The following KAT6A variants were observed in gnomAD, a reference collection of about 807,000 sequenced individuals.
The protein encoded by KAT6A is histone acetyltransferase KAT6A.
A neutral mutation model predicts 198.4 loss-of-function variants in KAT6A; 9 were observed. The ratio of observed to expected loss-of-function variants is 0.05; its 90% CI spans 0.03 to 0.08. The LOEUF is 0.08. Ranked by LOEUF, KAT6A falls within the 10% of genes least tolerant of loss-of-function variation. KAT6A has a pLI of 1.00. For missense variants in KAT6A, 2,077 were observed against 2,509.9 expected (o/e 0.83, Z 3.69); for synonymous variants, 890 against 883.0 (o/e 1.01, Z -0.14).
At chr8:41,959,405 C>T (rs1385585984) in intron 8 of KAT6A, among the ~76,000 whole-genome samples, 2 of 152,070 alleles carry the variant, frequency 1.3e-5, no homozygotes, top group Admixed American at 6.6e-5. Context: ...CCATTGCTGG[C>T]GGGAATACAA....
At chr8:41,993,104 C>A (rs923864102) in intron 2 of KAT6A, among the ~76,000 whole-genome samples, 4 of 152,178 alleles carry the variant, frequency 2.6e-5, no homozygotes, top group Non-Finnish European at 5.9e-5. Flanking sequence ...GTTAACACTT[C>A]TTTTATATAT....
intron 8 of KAT6A, among the ~76,000 whole-genome samples, chr8:41,972,346 G>A (rs928161332): frequency 1.3e-5 from 2 of 152,186 alleles, no homozygotes; most frequent in African/African-American, 4.8e-5. Flanking sequence ...GTAGATAAAA[G>A]TTTGATGAAA....
rs1475071011 is a variant in KAT6A, at chr8:41,930,722, A to G, written c.*1483T>C. On this transcript the variant is annotated 3_prime_UTR_variant, in exon 17 of 17. Transcript: ENST00000265713. ...TGTGTGTGTGTGTGTATATATATATATATATATTTTTTTTTTTTTTTTTTT... is the reference window on the plus strand; with the variant it reads ...TGTGTGTGTGTGTGTATATATATATGTATATATTTTTTTTTTTTTTTTTTT... The G allele has an allele frequency of 1.0e-5, 1 of 95,738 alleles. No individual in the cohort carries two copies. Among genetic ancestry groups the G allele is most frequent in the African/African-American group, 4.3e-5 (1 of 23,130 alleles). 5.9% of individuals were successfully genotyped at this position (95,738 alleles called of 1,614,324 possible). A position where few individuals can be genotyped will look rare whatever the true frequency, so the allele number is the denominator to read the frequency against.
At chr8:42,020,284 G>A (rs1454862329) in intron 2 of KAT6A, among the ~76,000 whole-genome samples, 1 of 152,102 alleles carries the variant, frequency 6.6e-6, no homozygotes, top group African/African-American at 2.4e-5. Flanking sequence ...TTACTACCCT[G>A]CCTTTTATTT....
chr8:41,938,910 T>C (rs143273556), intron 15 of KAT6A, among the ~76,000 whole-genome samples: 1,454 of 137,256 alleles, frequency 0.011, 15 homozygotes, highest in South Asian at 0.039. Flanking sequence ...ATCATGCCGC[T>C]GCACTCCAGC....
intron 2 of KAT6A, among the ~76,000 whole-genome samples, chr8:42,011,917 CAA>C (rs1457877407): frequency 7.6e-5 from 11 of 143,970 alleles, no homozygotes; most frequent in Non-Finnish European, 1.4e-4. Flanking sequence ...AAAAGAATAA[CAA>C]AGAGGAAATC....
intron 10 of KAT6A, among the ~76,000 whole-genome samples, chr8:41,948,564 C>T (rs1822509686): frequency 6.6e-6 from 1 of 152,142 alleles, no homozygotes; most frequent in Admixed American, 6.5e-5. Context: ...TATCAAAACG[C>T]CAATGGATGC....
chr8:41,977,529 T>C (rs965730293), intron 6 of KAT6A: 1 of 462,558 alleles, frequency 2.2e-6, no homozygotes, highest in African/African-American at 2.0e-5. Flanking sequence ...GGAAGCCTAC[T>C]TATAGTGCAA....
rs756179362 is a variant in KAT6A, at chr8:41,999,829, G to GT, written c.601-12267dup. Among the ~76,000 whole-genome samples the GT allele has an allele frequency of 3.9e-5, 6 of 152,302 alleles. No homozygotes were observed. The South Asian group carries it at 1.2e-3, about 32-fold the overall frequency. On this transcript the variant is annotated intron_variant, in intron 2 of 16. Transcript: ENST00000265713. ...GCCACTGTGGCATCACTTTAAGCAA[G>GT]TTACTTAAGTGTTGAAAAGTACAAC...
In KAT6A at chr8:41,940,855, G is replaced by T. The variant is rs750975358; in HGVS notation, c.3026C>A (p.Thr1009Lys). Residue 1009 changes from threonine to lysine, a missense_variant, in exon 15 of 17, where the codon ACG becomes AAG. By Grantham distance (78) the Thr-to-Lys change is moderately conservative (BLOSUM62 -1). Around this residue, in one of 13 missense-constraint regions of KAT6A, gnomAD observed 301 missense variants for 272.2 expected, o/e 1.11. Transcript: ENST00000265713. ...GAAATGCGTTACCTTTCGCTTCAGCGTGGGCTTTGTGAGAATTGGTGGCGA... is the reference window on the plus strand; with the variant it reads ...GAAATGCGTTACCTTTCGCTTCAGCTTGGGCTTTGTGAGAATTGGTGGCGA... ...SSSPPILTKP[T>K]LKRKKPFLHR... The T allele has an allele frequency of 6.2e-7, 1 of 1,610,974 alleles. No homozygotes were observed. Among genetic ancestry groups the T allele is most frequent in the African/African-American group, 1.3e-5 (1 of 75,010 alleles).
At chr8:41,950,874 T>G (rs1191520641) in intron 9 of KAT6A, among the ~76,000 whole-genome samples, 1 of 152,176 alleles carries the variant, frequency 6.6e-6, no homozygotes, top group African/African-American at 2.4e-5. Flanking sequence ...TACAATTTTA[T>G]CTGTCAATTA....
At chr8:42,019,507 T>G (rs947535692) in intron 2 of KAT6A, among the ~76,000 whole-genome samples, 1 of 152,134 alleles carries the variant, frequency 6.6e-6, no homozygotes, top group African/African-American at 2.4e-5. Context: ...TCAAATATAG[T>G]GTGTTTTTTA....
chr8:41,981,321 A>AT (rs1824347160), intron 4 of KAT6A, among the ~76,000 whole-genome samples: 2 of 152,150 alleles, frequency 1.3e-5, no homozygotes, highest in African/African-American at 2.4e-5. Context: ...CCTTCTCAAA[A>AT]AAAATAAATA....
In KAT6A at chr8:41,970,469, T is replaced by C. The variant is rs576008084; in HGVS notation, c.1482+4235A>G. 7.2e-5 allele frequency among the ~76,000 whole-genome samples: 11 copies of C among 152,278 alleles called. No individual in the cohort carries two copies. In the South Asian group the frequency reaches 2.1e-3, roughly 29 times the overall value. ...GGTCATCCTTCTTGCACCTTTCTAT[T>C]ATTTCAACTCCTGCCCCATTTCTCC... On this transcript the variant is annotated intron_variant, in intron 8 of 16. Transcript: ENST00000265713.
rs750873194 is a variant in KAT6A at position 41,974,729 on chromosome 8, C to T, written c.1457G>A (p.Arg486His). 23 of 1,608,614 alleles carry T rather than the reference C, an allele frequency of 1.4e-5. No individual in the cohort carries two copies. Among genetic ancestry groups the T allele is most frequent in the East Asian group, 2.2e-5 (1 of 44,648 alleles). The change falls in exon 8 of 17, where the codon CGT (arginine) becomes CAT (histidine). Residue 486 changes from arginine to histidine, a missense_variant. Around this residue, in one of 13 missense-constraint regions of KAT6A, gnomAD observed 206 missense variants for 214.9 expected, o/e 0.96. Coordinates refer to ENST00000265713, the MANE Select transcript of KAT6A (RefSeq NM_006766.5). ...CTGCAGTGCTTGTTCTTGGATATCA[C>T]GAAATAATTCCATATCTTTCTCAGT... The part of the protein sequence containing the change: ...IMTEKDMELF[R>H]DIQEQALQKV...
chr8:41,980,779 G>A (rs565484548), intron 5 of KAT6A, 67 bp downstream of exon 5: 1 of 1,056,124 alleles, frequency 9.5e-7, no homozygotes. Context: ...TAACAAAGTA[G>A]ATAAAATGTG....
At chr8:41,961,204 T>G in intron 8 of KAT6A, among the ~76,000 whole-genome samples, 1 of 152,206 alleles carries the variant, frequency 6.6e-6, no homozygotes, top group Non-Finnish European at 1.5e-5. Flanking sequence ...AAAAGAAAAC[T>G]TCTGCAATTT....
chr8:41,995,496 T>C (rs761376995), intron 2 of KAT6A, among the ~76,000 whole-genome samples: 2 of 152,184 alleles, frequency 1.3e-5, no homozygotes, highest in African/African-American at 4.8e-5. Flanking sequence ...GCAGGCATTC[T>C]GACTTGAACT....
chr8:41,990,609 G>C (rs1202802999), intron 2 of KAT6A, among the ~76,000 whole-genome samples: 1 of 152,170 alleles, frequency 6.6e-6, no homozygotes, highest in Non-Finnish European at 1.5e-5. Context: ...CAAACATAAG[G>C]AAAGATGTTC....
Sources: gnomAD v4.1 joint callset for allele counts (sites outside exome capture counted in the v4.1 genomes callset) on GRCh38, gnomAD v4.1.1 for gene constraint, gnomAD v4.1.1 regional missense constraint, MANE v1.5 for transcripts, NCBI Gene and HGNC (gene_info 2026-07-23, HGNC 2026-07-21) for gene names.